Variants in CIMIP2A observed in about 807,000 individuals in gnomAD.
CIMIP2A encodes the protein family with sequence similarity 166 member A.
chr9:137,248,083 G>A, the CIMIP2A span, among the ~76,000 whole-genome samples: 13 of 152,364 alleles, frequency 8.5e-5, no homozygotes, highest in South Asian at 2.7e-3. Flanking sequence ...TCCTCTGACA[G>A]GAGGCCTTGC....
the CIMIP2A span, chr9:137,244,432 C>T: frequency 1.4e-5 from 21 of 1,523,634 alleles, no homozygotes; most frequent in Middle Eastern, 1.9e-4. Context: ...CCCCTACCCC[C>T]GACTCCAAAA....
the CIMIP2A span, chr9:137,245,773 G>A: frequency 3.2e-6 from 5 of 1,553,528 alleles, no homozygotes; most frequent in Non-Finnish European, 4.4e-6. Flanking sequence ...CTGCACACTG[G>A]GGTCTGTGAG....
chr9:137,244,164 T>C, the CIMIP2A span: 7 of 1,613,518 alleles, frequency 4.3e-6, no homozygotes, highest in Non-Finnish European at 5.1e-6. Context: ...CTGCCCACTC[T>C]ACTCACCGGG....
chr9:137,253,315 G>A, the CIMIP2A span: 4 of 1,554,578 alleles, frequency 2.6e-6, no homozygotes, highest in South Asian at 3.6e-5. Context: ...GGCTTTCCCA[G>A]GCCTCCCCTG....
the CIMIP2A span, among the ~76,000 whole-genome samples, chr9:137,248,253 A>C: frequency 6.6e-6 from 1 of 152,230 alleles, no homozygotes; most frequent in African/African-American, 2.4e-5. Flanking sequence ...TAACCATAAA[A>C]ATGAAGGAAG....
At chr9:137,252,465 T>C in the CIMIP2A span, 8 of 1,611,286 alleles carry the variant, frequency 5.0e-6, no homozygotes, top group Non-Finnish European at 5.9e-6. Flanking sequence ...CATGGCAGAC[T>C]TTGTGGTTCC....
At chr9:137,244,965 G>GA in the CIMIP2A span, 1 of 1,604,198 alleles carries the variant, frequency 6.2e-7, no homozygotes, top group East Asian at 2.2e-5. Flanking sequence ...GTCCCCCCAG[G>GA]CCGCTAGCCT....
chr9:137,253,265 G>A, the CIMIP2A span: 1 of 1,595,750 alleles, frequency 6.3e-7, no homozygotes, highest in Non-Finnish European at 8.5e-7. Context: ...GGCACAACCT[G>A]CTTGGCCCGG....
At chr9:137,245,722 T>C in the CIMIP2A span, 1 of 1,602,906 alleles carries the variant, frequency 6.2e-7, no homozygotes, top group Non-Finnish European at 8.5e-7. Context: ...CTCAATGAAC[T>C]TGGGTTTGGA....
At chr9:137,243,886 C>T in the CIMIP2A span, 6 of 1,318,900 alleles carry the variant, frequency 4.5e-6, no homozygotes, top group Admixed American at 1.7e-5. Context: ...CTGCCCTGGG[C>T]CCTGGGTATC....
chr9:137,248,851 GA>G, the CIMIP2A span, among the ~76,000 whole-genome samples: 3 of 152,190 alleles, frequency 2.0e-5, no homozygotes, highest in African/African-American at 7.2e-5. Context: ...CTGGGCAACA[GA>G]ACCAGACCAT....
the CIMIP2A span, chr9:137,250,732 G>C: frequency 6.2e-6 from 1 of 160,618 alleles, no homozygotes; most frequent in Admixed American, 5.7e-5. Flanking sequence ...CCCCAGCCCT[G>C]GCTGGGCTCC....
chr9:137,255,016 T>A, the CIMIP2A span, among the ~76,000 whole-genome samples: 1 of 152,186 alleles, frequency 6.6e-6, no homozygotes, highest in African/African-American at 2.4e-5. Context: ...ACGTCCCCGC[T>A]GCGCGTGGCT....
At chr9:137,252,912 C>T in the CIMIP2A span, 26 of 1,598,894 alleles carry the variant, frequency 1.6e-5, no homozygotes, top group Admixed American at 5.2e-5. Flanking sequence ...AGCCCCCGCT[C>T]GCCGGCCTTC....
chr9:137,243,635 C>T, the CIMIP2A span: 11 of 1,613,798 alleles, frequency 6.8e-6, no homozygotes, highest in Middle Eastern at 1.6e-4. Flanking sequence ...GCCTGTCCCA[C>T]TGTGTGCACT....
the CIMIP2A span, chr9:137,252,770 G>T: frequency 6.4e-7 from 1 of 1,561,408 alleles, no homozygotes; most frequent in East Asian, 2.4e-5. Context: ...CACCCACCTA[G>T]GGCTGCCTGG....
chr9:137,244,518 G>A, the CIMIP2A span: 40 of 1,512,078 alleles, frequency 2.6e-5, no homozygotes, highest in Non-Finnish European at 3.4e-5. Flanking sequence ...AGAGAGCCAG[G>A]CAGAGCCCCC....
chr9:137,248,991 C>A, the CIMIP2A span, among the ~76,000 whole-genome samples: 1 of 151,410 alleles, frequency 6.6e-6, no homozygotes. Flanking sequence ...ATAAACAACA[C>A]CTCCATGGAA....
At chr9:137,251,142 AG>A in the CIMIP2A span, 1 of 678,224 alleles carries the variant, frequency 1.5e-6, no homozygotes, top group Non-Finnish European at 2.7e-6. Context: ...TTAGTGGGGG[AG>A]GGGCCCACCA....
Sources: gnomAD v4.1 joint callset for allele counts (sites outside exome capture counted in the v4.1 genomes callset) on GRCh38, gnomAD v4.1.1 for gene constraint, MANE v1.5 for transcripts, NCBI Gene and HGNC (gene_info 2026-07-23, HGNC 2026-07-21) for gene names.